Variants in ZNF804A observed in about 807,000 individuals in gnomAD.
ZNF804A encodes zinc finger protein 804A.
Under a neutral mutation model 16.5 loss-of-function variants are expected in ZNF804A, and 2 were observed. The observed-to-expected ratio is 0.12, with a 90% CI of 0.05 to 0.38. The LOEUF (loss-of-function observed/expected upper bound fraction) is 0.38, where lower values mean the gene tolerates loss of function less well. ZNF804A is among the 10% of genes least tolerant of loss of function. The probability of loss-of-function intolerance (pLI) is 0.99; values close to 1 mark genes in which losing one functional copy is unlikely to be tolerated. For missense variants in ZNF804A, 1,473 were observed against 1,390.7 expected (o/e 1.06, Z -0.94); for synonymous variants, 534 against 489.6 (o/e 1.09, Z -1.20).
intron 1 of ZNF804A, among the ~76,000 whole-genome samples, chr2:184,751,894 A>C (rs1390967049): frequency 6.6e-6 from 1 of 151,690 alleles, no homozygotes; most frequent in Non-Finnish European, 1.5e-5. Context: ...CAATATCACT[A>C]ATCATGAGAG....
chr2:184,934,604 T>C (rs1467174452), intron 3 of ZNF804A, among the ~76,000 whole-genome samples: 1 of 152,142 alleles, frequency 6.6e-6, no homozygotes, highest in Non-Finnish European at 1.5e-5. Flanking sequence ...ATATGTTTAC[T>C]TTTTGTGGTA....
At chr2:184,880,039 A>T (rs1684785248) in intron 2 of ZNF804A, among the ~76,000 whole-genome samples, 1 of 152,034 alleles carries the variant, frequency 6.6e-6, no homozygotes, top group Non-Finnish European at 1.5e-5. Context: ...ACTAGGTTTT[A>T]ATATTTGCAA....
At chr2:184,731,343 C>A (rs1216791040) in intron 1 of ZNF804A, among the ~76,000 whole-genome samples, 1 of 149,578 alleles carries the variant, frequency 6.7e-6, no homozygotes, top group Non-Finnish European at 1.5e-5. Flanking sequence ...ATTTTGCATT[C>A]CCACTAGCAA....
chr2:184,880,654 A>G (rs1427031401), intron 2 of ZNF804A, among the ~76,000 whole-genome samples: 1 of 150,846 alleles, frequency 6.6e-6, no homozygotes, highest in Non-Finnish European at 1.5e-5. Flanking sequence ...GTAACAGATT[A>G]CATTGAGACT....
intron 1 of ZNF804A, among the ~76,000 whole-genome samples, chr2:184,618,011 C>CT (rs1691353814): frequency 6.6e-6 from 1 of 151,904 alleles, no homozygotes; most frequent in South Asian, 2.1e-4. Flanking sequence ...CTTGTGGACA[C>CT]TAGAGTATGG....
chr2:184,610,595 T>A (rs1183564518), intron 1 of ZNF804A, among the ~76,000 whole-genome samples: 1 of 152,128 alleles, frequency 6.6e-6, no homozygotes, highest in Non-Finnish European at 1.5e-5. Context: ...TCAAGTGGCA[T>A]AATCTAGTGA....
intron 1 of ZNF804A, among the ~76,000 whole-genome samples, chr2:184,781,974 T>G (rs1375983989): frequency 6.6e-6 from 1 of 151,848 alleles, no homozygotes; most frequent in Non-Finnish European, 1.5e-5. Flanking sequence ...GGTATGCTGA[T>G]GGCCATTTCT....
chr2:184,654,637 T>G (rs1692046154), intron 1 of ZNF804A, among the ~76,000 whole-genome samples: 1 of 152,168 alleles, frequency 6.6e-6, no homozygotes, highest in Non-Finnish European at 1.5e-5. Flanking sequence ...TGTTCAGTTG[T>G]CTCCATAGTC....
At position 184,916,347 on chromosome 2, in the gene ZNF804A, A is replaced by C. The variant is rs971616913; in HGVS notation, c.256-17256A>C. The stretch of plus-strand genomic sequence containing the variant: ...ATTCTTGTTATTAATCTAAATATAT[A>C]TTTTATTTCATACTAACTCACTCCA... On this transcript the variant is annotated intron_variant, in intron 2 of 3. Transcript: ENST00000302277. 3.9e-5 allele frequency among the ~76,000 whole-genome samples: 6 copies of C among 152,264 alleles called. No homozygotes were observed. In the South Asian group the frequency reaches 1.2e-3, roughly 32 times the overall value.
chr2:184,918,183 A>G (rs1178155055), intron 2 of ZNF804A, among the ~76,000 whole-genome samples: 1 of 152,104 alleles, frequency 6.6e-6, no homozygotes, highest in African/African-American at 2.4e-5. Flanking sequence ...ATCAAAATCA[A>G]TCACCTCACC....
At chr2:184,601,999 G>T (rs897704825) in intron 1 of ZNF804A, among the ~76,000 whole-genome samples, 4 of 151,784 alleles carry the variant, frequency 2.6e-5, no homozygotes, top group Non-Finnish European at 5.9e-5. Context: ...GATAACCAGG[G>T]TAATTCATAT....
chr2:184,613,339 G>T (rs1468628085), intron 1 of ZNF804A, among the ~76,000 whole-genome samples: 1 of 152,142 alleles, frequency 6.6e-6, no homozygotes, highest in Non-Finnish European at 1.5e-5. Context: ...GGTAGTAGAG[G>T]GTGCTGTTAT....
chr2:184,792,578 TG>T (rs1249175882), intron 1 of ZNF804A, among the ~76,000 whole-genome samples: 2 of 152,210 alleles, frequency 1.3e-5, no homozygotes, highest in African/African-American at 4.8e-5. Flanking sequence ...TTTCTTTATC[TG>T]GTATATACTT....
chr2:184,872,763 CA>C lies in ZNF804A; in HGVS notation c.255+6255del, dbSNP rs540010716. ...TGTGATAAACTTCTCAAGCTGATTC[CA>C]AAATTTTTATATAAGAATGAATACG... On this transcript the variant is annotated intron_variant, in intron 2 of 3. Coordinates refer to ENST00000302277, the MANE Select transcript of ZNF804A (RefSeq NM_194250.2). Among the ~76,000 whole-genome samples the C allele has an allele frequency of 1.4e-3, 220 of 152,082 alleles. 1 individual carries two copies. Among genetic ancestry groups the C allele is most frequent in the African/African-American group, 4.8e-3 (199 of 41,504 alleles).
chr2:184,896,816 A>G (rs1685076631), intron 2 of ZNF804A, among the ~76,000 whole-genome samples: 1 of 140,414 alleles, frequency 7.1e-6, no homozygotes, highest in African/African-American at 2.5e-5. Flanking sequence ...TACAAGTGGT[A>G]TTTGCTGTGC....
At chr2:184,791,017 T>A (rs911462707) in intron 1 of ZNF804A, among the ~76,000 whole-genome samples, 4 of 152,218 alleles carry the variant, frequency 2.6e-5, no homozygotes, top group South Asian at 2.1e-4. Flanking sequence ...TGTTTTCTAT[T>A]TGCATGATAT....
At position 184,937,135 on chromosome 2, in the gene ZNF804A, T is replaced by C; in HGVS notation, c.1739T>C (p.Ile580Thr). ...QDTLDEKYNKIRLKETHEYWF... is the reference protein window; with the variant it reads ...QDTLDEKYNKTRLKETHEYWF... ...ACTCTAGATGAAAAATACAACAAAA[T>C]AAGGTTGAAAGAGACCCATGAATAC... The change falls in exon 4 of 4, where the codon ATA (isoleucine) becomes ACA (threonine). Residue 580 changes from isoleucine to threonine, a missense_variant. Ile to Thr is a moderately conservative substitution (Grantham distance 89, BLOSUM62 -1). Coordinates refer to ENST00000302277, the MANE Select transcript of ZNF804A (RefSeq NM_194250.2). 6.2e-7 allele frequency: 1 copy of C among 1,603,016 alleles called. No homozygotes were observed. The highest frequency in any genetic ancestry group is 8.5e-7 in the Non-Finnish European group (1 of 1,177,324).
At chr2:184,866,597 T>G in intron 2 of ZNF804A, 85 bp downstream of exon 2, 63 of 1,029,522 alleles carry the variant, frequency 6.1e-5, no homozygotes, top group South Asian at 8.8e-5. Context: ...TATGATATGA[T>G]ATTCTTATTT....
chr2:184,855,034 G>A (rs982242312), intron 1 of ZNF804A, among the ~76,000 whole-genome samples: 1 of 152,050 alleles, frequency 6.6e-6, no homozygotes, highest in Non-Finnish European at 1.5e-5. Context: ...TATCACTGAT[G>A]AAGATCTGAT....
Sources: gnomAD v4.1 joint callset for allele counts (sites outside exome capture counted in the v4.1 genomes callset) on GRCh38, gnomAD v4.1.1 for gene constraint, MANE v1.5 for transcripts, NCBI Gene and HGNC (gene_info 2026-07-23, HGNC 2026-07-21) for gene names.